NOL7: variants seen among roughly 807,000 people sequenced by gnomAD.
NOL7 encodes the protein nucleolar protein 7.
A neutral mutation model predicts 38.4 loss-of-function variants in NOL7; 36 were observed. The observed-to-expected ratio is 0.94, with a 90% CI of 0.72 to 1.24. The LOEUF (loss-of-function observed/expected upper bound fraction) is 1.24. NOL7 is among the 50% of genes most tolerant of loss of function. The pLI is 0.00. For synonymous variants in NOL7, 142 were observed against 126.5 expected (o/e 1.12, Z -0.82); for missense variants, 350 against 315.1 (o/e 1.11, Z -0.84).
intron 5 of NOL7, among the ~76,000 whole-genome samples, chr6:13,619,983 C>T (rs558498294): frequency 7.2e-5 from 11 of 152,120 alleles, no homozygotes; most frequent in Non-Finnish European, 1.5e-4. Context: ...GGTGAAACCC[C>T]GTCTCTACTG....
At chr6:13,622,544 A>G (rs934314949), downstream of NOL7, 2 of 1,488,710 alleles carry the variant, frequency 1.3e-6, no homozygotes, top group Non-Finnish European at 1.8e-6. Flanking sequence ...GACATTTTAA[A>G]AAACATTTCA....
Position 13,620,202 on chromosome 6 carries a change from C to G in NOL7, c.501-6C>G. On this transcript the variant is annotated splice_polypyrimidine_tract_variant and splice_region_variant and intron_variant, in intron 5 of 7. Transcript: ENST00000451315. ...TTCTTATTTAACCTTTTATATTGATCAACAGCCAGAATAAAAGCTACTTGG... is the reference window on the plus strand; with the variant it reads ...TTCTTATTTAACCTTTTATATTGATGAACAGCCAGAATAAAAGCTACTTGG... 1 of 1,603,760 alleles carries G rather than the reference C, an allele frequency of 6.2e-7. No individual in the cohort carries two copies. The highest frequency in any genetic ancestry group is 1.1e-5 in the South Asian group (1 of 89,560).
chr6:13,618,312 A>G (rs559671167), intron 5 of NOL7, 173 bp downstream of exon 5: 15 of 202,534 alleles, frequency 7.4e-5, no homozygotes, highest in African/African-American at 2.3e-4. Flanking sequence ...CAGTGGCGCA[A>G]TCTCGGCTCA....
Position 13,629,895 on chromosome 6 carries a change from G to GTC in NOL7, n.574-2473_574-2472dup, listed in dbSNP as rs35437953. Among the ~76,000 whole-genome samples the GTC allele has an allele frequency of 3.6e-3, 513 of 143,912 alleles. 3 individuals are homozygous for GTC. The highest frequency in any genetic ancestry group is 4.9e-3 in the Non-Finnish European group (326 of 66,114). The allele number at this position is 143,912 out of a possible 152,430, so 94.4% of individuals were successfully genotyped here. A position where few individuals can be genotyped will look rare whatever the true frequency, so the allele number is the denominator to read the frequency against. ...CTCAATCTCTCTCTCTCATGTCTCTGTCTCTCTCTCTCTCTCTCTCTCTCT... is the reference window on the plus strand; with the variant it reads ...CTCAATCTCTCTCTCTCATGTCTCTGTCTCTCTCTCTCTCTCTCTCTCTCTCT... On this transcript the variant is annotated intron_variant and non_coding_transcript_variant, in intron 8 of 8. Transcript: ENST00000474485.
At chr6:13,615,809 C>T (rs1447353800) in intron 2 of NOL7, 37 bp downstream of exon 2, 6 of 1,582,824 alleles carry the variant, frequency 3.8e-6, no homozygotes, top group Non-Finnish European at 4.3e-6. Flanking sequence ...ATTAAAACAA[C>T]TCGGCTCAGG....
rs1207112386 is a variant in NOL7 at position 13,620,303 on chromosome 6, A to G, written c.596A>G (p.Tyr199Cys). The G allele has an allele frequency of 6.2e-7, 1 of 1,614,218 alleles. No homozygotes were observed. The highest frequency in any genetic ancestry group is 8.5e-7 in the Non-Finnish European group (1 of 1,180,034). ...CAAGCCTTCATACATAATTCATTAT[A>G]TGGGCCAGGAACCAACAGGACTACT... ...AAQAFIHNSL[Y>C]GPGTNRTTVN... Residue 199 changes from tyrosine (Y) to cysteine (C), a missense_variant, in exon 6 of 8, where the codon TAT (tyrosine) becomes TGT (cysteine). By Grantham distance (194) the Tyr-to-Cys change is radical. Coordinates refer to ENST00000451315, the MANE Select transcript of NOL7 (RefSeq NM_016167.5).
chr6:13,616,322 A>G (rs1764286533), intron 2 of NOL7, 141 bp from the exon 3 acceptor site: 1 of 568,006 alleles, frequency 1.8e-6, no homozygotes, highest in Non-Finnish European at 3.1e-6. Context: ...CCCATAGCTT[A>G]GAGGTATGGG....
At chr6:13,626,138 G>A (rs1415518635), downstream of NOL7, among the ~76,000 whole-genome samples, 1 of 152,184 alleles carries the variant, frequency 6.6e-6, no homozygotes, top group Non-Finnish European at 1.5e-5. Flanking sequence ...TCAAAGGACA[G>A]GGCCTGTCTG....
chr6:13,615,851 G>T (rs1265183186), intron 2 of NOL7, 79 bp downstream of exon 2: 3 of 1,421,080 alleles, frequency 2.1e-6, no homozygotes, highest in Non-Finnish European at 2.9e-6. Flanking sequence ...AATTTGGGTT[G>T]GCAGGATATT....
chr6:13,616,548 T>C (rs1048836152), intron 3 of NOL7, 27 bp downstream of exon 3: 2 of 1,485,468 alleles, frequency 1.3e-6, no homozygotes, highest in East Asian at 2.3e-5. Context: ...TTTATATTAC[T>C]TGCTTATATA....
downstream of NOL7, among the ~76,000 whole-genome samples, chr6:13,623,145 G>C (rs1033581254): frequency 6.6e-6 from 1 of 152,116 alleles, no homozygotes; most frequent in East Asian, 1.9e-4. Context: ...TCAGACATTT[G>C]TAGTACAAAT....
chr6:13,624,728 G>A (rs962557193), downstream of NOL7, among the ~76,000 whole-genome samples: 1 of 151,968 alleles, frequency 6.6e-6, no homozygotes, highest in Non-Finnish European at 1.5e-5. Flanking sequence ...TTAGCGTTTC[G>A]CACTTGATGC....
Position 13,620,982 on chromosome 6 carries a change from C to A in NOL7, c.*155C>A. The A allele has an allele frequency of 2.0e-6, 1 of 488,746 alleles. No individual in the cohort carries two copies. 30.3% of individuals were successfully genotyped at this position (488,746 alleles called of 1,614,324 possible). A position where few individuals can be genotyped will look rare whatever the true frequency, so the allele number is the denominator to read the frequency against. ...TCTTCTGGAGTAGAACTGTGCCTTG[C>A]AATCCTAGAGGAAAAAGTGGTTTAA... On this transcript the variant is annotated 3_prime_UTR_variant, in exon 8 of 8. Coordinates refer to ENST00000451315, the MANE Select transcript of NOL7 (RefSeq NM_016167.5).
intron 8 of NOL7, among the ~76,000 whole-genome samples, chr6:13,630,344 T>C (rs1021198690): frequency 3.3e-5 from 5 of 152,192 alleles, no homozygotes; most frequent in South Asian, 2.1e-4. Context: ...TCTTTGAGAA[T>C]TGGCCATATA....
In NOL7 at chr6:13,631,080, A is replaced by T. The variant is rs150394741; in HGVS notation, n.574-1313A>T. The stretch of plus-strand genomic sequence containing the variant: ...GCCTCAGCCTCCCAAAGTGCTGGGA[A>T]TACAGGTGTGAGCCACCGCGCCCGG... On this transcript the variant is annotated intron_variant and non_coding_transcript_variant, in intron 8 of 8. Transcript: ENST00000474485. Among the ~76,000 whole-genome samples, 1,481 of 152,220 alleles carry T rather than the reference A, an allele frequency of 9.7e-3. 10 individuals are homozygous for T. Among genetic ancestry groups the T allele is most frequent in the African/African-American group, 0.033 (1,380 of 41,522 alleles).
intron 7 of NOL7, 111 bp from the exon 8 acceptor site, chr6:13,620,643 A>G: frequency 7.4e-6 from 7 of 952,082 alleles, no homozygotes; most frequent in Non-Finnish European, 6.3e-6. Context: ...ATATACATCT[A>G]AAGTATAATA....
chr6:13,622,830 C>A (rs193007970), downstream of NOL7, among the ~76,000 whole-genome samples: 36 of 152,282 alleles, frequency 2.4e-4, no homozygotes, highest in African/African-American at 7.9e-4. Context: ...TATTTCCCTT[C>A]TGGTTGATCA....
chr6:13,619,331 T>TA (rs1208358268), intron 5 of NOL7, among the ~76,000 whole-genome samples: 11 of 152,272 alleles, frequency 7.2e-5, no homozygotes, highest in African/African-American at 2.2e-4. Context: ...CTATTGCTGT[T>TA]ACTGGAATTT....
chr6:13,622,551 T>A, downstream of NOL7: 1 of 1,478,970 alleles, frequency 6.8e-7, no homozygotes, highest in Non-Finnish European at 9.1e-7. Flanking sequence ...TAAAAAACAT[T>A]TCAATCAGGA....
Sources: allele counts gnomAD v4.1 joint callset (sites outside exome capture counted in the v4.1 genomes callset), GRCh38; gene constraint gnomAD v4.1.1; transcripts MANE v1.5; gene names NCBI Gene and HGNC (gene_info 2026-07-23, HGNC 2026-07-21).